Variants in TNRC6B observed in about 807,000 individuals in gnomAD.
The protein encoded by TNRC6B is trinucleotide repeat-containing gene 6B protein.
In TNRC6B, 52 loss-of-function variants were observed where a neutral mutation model predicts 203.6. The observed-to-expected ratio is 0.26, with a 90% confidence interval of 0.20 to 0.32. The LOEUF (loss-of-function observed/expected upper bound fraction) is 0.32, where lower values mean the gene tolerates loss of function less well. Among genes scored for constraint, TNRC6B ranks in the 10% least tolerant of loss-of-function variants. The probability of loss-of-function intolerance (pLI) is 1.00; values close to 1 mark genes in which losing one functional copy is unlikely to be tolerated. For synonymous variants in TNRC6B, 838 were observed against 845.7 expected, an observed-to-expected ratio of 0.99 and a Z score of 0.16; for missense variants, 1,923 against 2,286.2, an observed-to-expected ratio of 0.84 and a Z score of 3.24.
At chr22:40,136,967 C>T (rs748068672) in intron 3 of TNRC6B, among the ~76,000 whole-genome samples, 10 of 152,116 alleles carry the variant, frequency 6.6e-5, no homozygotes, top group Non-Finnish European at 1.2e-4. Context: ...GTAACTTAGA[C>T]ATAAAATACA....
In TNRC6B at chr22:40,281,135, C is replaced by G. The variant is rs933385631; in HGVS notation, c.3428C>G (p.Ser1143Cys). The G allele has an allele frequency of 1.9e-6, 3 of 1,549,642 alleles. No homozygotes were observed. Among genetic ancestry groups the G allele is most frequent in the Non-Finnish European group, 2.6e-6 (3 of 1,146,158 alleles). Reference sequence around the variant, plus strand: ...ACTTTTCAGCTGACTTTGCCTTTCTCCAATCAAGATGGGTGCCTTGGGGAT... The same window carrying G: ...ACTTTTCAGCTGACTTTGCCTTTCTGCAATCAAGATGGGTGCCTTGGGGAT... ...PYFEKLTLPF[S>C]NQDGCLGDEA... Residue 1143 changes from serine (S) to cysteine (C), a missense_variant, in exon 11 of 23, where the codon TCC becomes TGC. Coordinates refer to ENST00000454349, the MANE Select transcript of TNRC6B (RefSeq NM_001162501.2).
At chr22:40,282,267 A>C (rs947060070) in intron 11 of TNRC6B, among the ~76,000 whole-genome samples, 1 of 152,246 alleles carries the variant, frequency 6.6e-6, no homozygotes, top group African/African-American at 2.4e-5. Context: ...GTTAAGTTGC[A>C]CATAGGTCTC....
chr22:40,144,677 A>G (rs962748882), intron 3 of TNRC6B, among the ~76,000 whole-genome samples: 11 of 67,058 alleles, frequency 1.6e-4, no homozygotes, highest in Admixed American at 5.5e-4. Context: ...TCCGTCTCGG[A>G]AAAAAAAAAA....
chr22:40,186,150 G>A (rs2069199623), intron 1 of TNRC6B, among the ~76,000 whole-genome samples: 1 of 152,082 alleles, frequency 6.6e-6, no homozygotes, highest in African/African-American at 2.4e-5. Context: ...CTGAGAATGA[G>A]ACCTTGGGGA....
intron 1 of TNRC6B, among the ~76,000 whole-genome samples, chr22:40,111,366 A>AT (rs1177858886): frequency 2.0e-5 from 3 of 152,178 alleles, no homozygotes; most frequent in Non-Finnish European, 4.4e-5. Context: ...GTTGAGGCAC[A>AT]TTGCAAAGGC....
intron 15 of TNRC6B, among the ~76,000 whole-genome samples, chr22:40,301,899 A>G (rs1428808301): frequency 6.6e-6 from 1 of 152,208 alleles, no homozygotes; most frequent in Non-Finnish European, 1.5e-5. Context: ...TACCGCCGGG[A>G]ATTTTTAAAA....
At chr22:40,191,791 C>G (rs892332929) in intron 1 of TNRC6B, among the ~76,000 whole-genome samples, 3 of 152,076 alleles carry the variant, frequency 2.0e-5, no homozygotes, top group African/African-American at 7.2e-5. Context: ...CATTCTGTTG[C>G]CCAGGCTGGA....
chr22:40,165,233 G>A (rs2068908810), intron 4 of TNRC6B, among the ~76,000 whole-genome samples: 2 of 152,026 alleles, frequency 1.3e-5, no homozygotes, highest in African/African-American at 4.8e-5. Context: ...TTGGAGTGCA[G>A]TGGCATGGTC....
chr22:40,256,010 G>A (rs1029197395), intron 3 of TNRC6B, among the ~76,000 whole-genome samples: 3 of 152,074 alleles, frequency 2.0e-5, no homozygotes, highest in Admixed American at 1.3e-4. Flanking sequence ...ATGCCACCAC[G>A]CCTGGCTAAT....
chr22:40,084,143 C>G (rs938137971), intron 1 of TNRC6B, among the ~76,000 whole-genome samples: 7 of 151,986 alleles, frequency 4.6e-5, no homozygotes, highest in African/African-American at 1.7e-4. Flanking sequence ...AAGGTTCTTG[C>G]AAGTAAGTGA....
In TNRC6B at chr22:40,270,230, C is replaced by T. The variant is rs1370637091; in HGVS notation, c.2915C>T (p.Thr972Ile). The T allele has an allele frequency of 6.6e-7, 1 of 1,522,586 alleles. No homozygotes were observed. Among genetic ancestry groups the T allele is most frequent in the Admixed American group, 2.1e-5 (1 of 48,244 alleles). The allele number at this position is 1,522,586 out of a possible 1,614,324, so 94.3% of individuals were successfully genotyped here. Reference sequence around the variant, plus strand: ...GAGATGGATGATACAGGAGCATCGACCACAGGCTGGGGGAACACGCCCGCC... The same window carrying T: ...GAGATGGATGATACAGGAGCATCGATCACAGGCTGGGGGAACACGCCCGCC... ...WGEMDDTGASTTGWGNTPANA... is the reference protein window; with the variant it reads ...WGEMDDTGASITGWGNTPANA... The change falls in exon 6 of 23, where the codon ACC becomes ATC. Residue 972 changes from threonine to isoleucine, a missense_variant. Around this residue, in one of 8 missense-constraint regions of TNRC6B, gnomAD observed 599 missense variants for 656.5 expected, o/e 0.91. Coordinates refer to ENST00000454349, the MANE Select transcript of TNRC6B (RefSeq NM_001162501.2).
At chr22:40,100,651 A>G (rs1190763951) in intron 1 of TNRC6B, among the ~76,000 whole-genome samples, 1 of 151,984 alleles carries the variant, frequency 6.6e-6, no homozygotes, top group Admixed American at 6.6e-5. Flanking sequence ...CTCCCTAAAC[A>G]CTGGGGTTTT....
At chr22:40,154,860 A>AATAT (rs71199273) in intron 3 of TNRC6B, among the ~76,000 whole-genome samples, 843 of 23,468 alleles carry the variant, frequency 0.036, 27 homozygotes, top group Middle Eastern at 0.05. Flanking sequence ...AAAAAAAAAA[A>AATAT]ATATATATAT....
At chr22:40,264,286 AG>A (rs2070437053) in intron 4 of TNRC6B, among the ~76,000 whole-genome samples, 2 of 152,198 alleles carry the variant, frequency 1.3e-5, no homozygotes, top group Admixed American at 6.5e-5. Context: ...TTGTGCACTA[AG>A]GAACTGTTGA....
intron 2 of TNRC6B, among the ~76,000 whole-genome samples, chr22:40,247,280 GT>G (rs2070121982): frequency 6.6e-6 from 1 of 152,186 alleles, no homozygotes; most frequent in Non-Finnish European, 1.5e-5. Context: ...CCTGGTGCTA[GT>G]TAATTGAAGC....
At chr22:40,293,167 C>T (rs1051626769) in intron 12 of TNRC6B, among the ~76,000 whole-genome samples, 1 of 147,286 alleles carries the variant, frequency 6.8e-6, no homozygotes. Context: ...TTGTTATGAG[C>T]AGTGCTGCTA....
chr22:40,056,156 C>G (rs1476905277), intron 1 of TNRC6B, among the ~76,000 whole-genome samples: 2 of 152,328 alleles, frequency 1.3e-5, no homozygotes, highest in East Asian at 3.9e-4. Context: ...ATCTTCCATT[C>G]TATTTCCGCT....
chr22:40,230,156 A>C (rs2069847261), intron 1 of TNRC6B, among the ~76,000 whole-genome samples: 1 of 152,064 alleles, frequency 6.6e-6, no homozygotes, highest in African/African-American at 2.4e-5. Flanking sequence ...GTGTGTTGAC[A>C]TCTCATTGTG....
intron 6 of TNRC6B, among the ~76,000 whole-genome samples, chr22:40,272,157 A>G (rs1452955095): frequency 6.6e-6 from 1 of 152,198 alleles, no homozygotes; most frequent in African/African-American, 2.4e-5. Flanking sequence ...ATATAATCCT[A>G]TATACAGAGG....
Sources: allele counts gnomAD v4.1 joint callset (sites outside exome capture counted in the v4.1 genomes callset), GRCh38; gene constraint gnomAD v4.1.1; regional missense constraint gnomAD v4.1.1; transcripts MANE v1.5; gene names NCBI Gene and HGNC (gene_info 2026-07-23, HGNC 2026-07-21).